Variants in LRP3 observed in about 807,000 individuals in gnomAD.
LRP3 encodes low-density lipoprotein receptor-related protein 3.
LRP3 carries 49 observed loss-of-function variants against 58.5 expected under a neutral mutation model. The observed-to-expected ratio is 0.84, with a 90% CI of 0.67 to 1.06. The LOEUF (loss-of-function observed/expected upper bound fraction) is 1.06. Among genes scored for constraint, LRP3 ranks in the 50% least tolerant of loss-of-function variants. The pLI is 0.00. For missense variants in LRP3, 1,019 were observed against 1,134.2 expected, an observed-to-expected ratio of 0.90 and a Z score of 1.46; for synonymous variants, 485 against 492.2, an observed-to-expected ratio of 0.99 and a Z score of 0.20.
In LRP3 at chr19:33,206,346, C is replaced by T. The variant is rs1490213279; in HGVS notation, c.1576C>T (p.Arg526Cys). The stretch of plus-strand genomic sequence containing the variant: ...CTGCGCCTTCAAGCTCTACTCACTG[C>T]GCACGCAGGAATACAGGTGGGCGCT... Reference protein sequence around the residue: ...LGCAFKLYSLRTQEYRAFETQ... With the variant: ...LGCAFKLYSLCTQEYRAFETQ... The change falls in exon 5 of 7, where the codon CGC becomes TGC. Residue 526 changes from arginine (R) to cysteine (C), a missense_variant. Transcript: ENST00000253193. 15 of 1,603,692 alleles carry T rather than the reference C, an allele frequency of 9.4e-6. No homozygotes were observed. Among genetic ancestry groups the T allele is most frequent in the Admixed American group, 6.7e-5 (4 of 59,610 alleles).
chr19:33,206,333 G>A lies in LRP3; in HGVS notation c.1563G>A (p.Lys521=). The A allele has an allele frequency of 1.2e-6, 2 of 1,603,440 alleles. No individual in the cohort carries two copies. The highest frequency in any genetic ancestry group is 1.7e-6 in the Non-Finnish European group (2 of 1,176,300). The change falls in exon 5 of 7, where the codon AAG becomes AAA. Residue 521 remains lysine, a synonymous_variant. Coordinates refer to ENST00000253193, the MANE Select transcript of LRP3 (RefSeq NM_002333.4). Reference sequence around the variant, plus strand: ...TCATCGCGCTGGGCTGCGCCTTCAAGCTCTACTCACTGCGCACGCAGGAAT... The same window carrying A: ...TCATCGCGCTGGGCTGCGCCTTCAAACTCTACTCACTGCGCACGCAGGAAT... ...LLVIALGCAF[K]LYSLRTQEYR...
At chr19:33,196,169 T>C (rs1285586448) in intron 1 of LRP3, among the ~76,000 whole-genome samples, 1 of 152,178 alleles carries the variant, frequency 6.6e-6, no homozygotes, top group Non-Finnish European at 1.5e-5. Flanking sequence ...CTGCGTGCCC[T>C]GTAAATGGGG....
intron 3 of LRP3, 43 bp from the exon 4 acceptor site, chr19:33,204,595 C>T: frequency 7.0e-7 from 1 of 1,420,454 alleles, no homozygotes; most frequent in East Asian, 2.3e-5. Flanking sequence ...CATGGAGATC[C>T]CACCTACTGC....
intron 2 of LRP3, among the ~76,000 whole-genome samples, chr19:33,200,311 A>T (rs944722072): frequency 2.0e-5 from 3 of 152,088 alleles, no homozygotes; most frequent in Non-Finnish European, 4.4e-5. Context: ...GGTTCACCAC[A>T]ACATCCGCCT....
In LRP3 at chr19:33,206,178, G is replaced by C; in HGVS notation, c.1408G>C (p.Glu470Gln). The C allele has an allele frequency of 3.8e-6, 6 of 1,596,330 alleles. No homozygotes were observed. Among genetic ancestry groups the C allele is most frequent in the Non-Finnish European group, 5.1e-6 (6 of 1,171,062 alleles). The change falls in exon 5 of 7, where the codon GAG (glutamate) becomes CAG (glutamine). Residue 470 changes from glutamate (E) to glutamine (Q), a missense_variant. Glu to Gln is a conservative substitution (Grantham distance 29). Transcript: ENST00000253193. ...CTGCGGTACCAACCTGTGCATCTTC[G>C]AGACGTGGCGCTGTGACGGCCAGGA... Reference protein sequence around the residue: ...FHCGTNLCIFETWRCDGQEDC... With the variant: ...FHCGTNLCIFQTWRCDGQEDC...
chr19:33,199,826 G>A (rs1398459224), intron 2 of LRP3, among the ~76,000 whole-genome samples: 2 of 152,226 alleles, frequency 1.3e-5, no homozygotes, highest in East Asian at 1.9e-4. Flanking sequence ...AAGGGTTCTG[G>A]CTGAAGTGAG....
In LRP3 at chr19:33,201,686, A is replaced by G. The variant is rs1338529203; in HGVS notation, c.122-1162A>G. Among the ~76,000 whole-genome samples the G allele has an allele frequency of 2.0e-5, 3 of 152,138 alleles. 1 individual carries two copies. The highest frequency in any genetic ancestry group is 4.1e-4 in the South Asian group (2 of 4,826). ...CCTCACCTCAGTTTTTCCATCTGCA[A>G]AATGGGCCCTGCCTTCATCTCAGGC... On this transcript the variant is annotated intron_variant, in intron 2 of 6. Coordinates refer to ENST00000253193, the MANE Select transcript of LRP3 (RefSeq NM_002333.4).
chr19:33,205,323 T>G lies in LRP3; in HGVS notation c.553T>G (p.Cys185Gly). The change falls in exon 5 of 7, where the codon TGC becomes GGC. Residue 185 changes from cysteine to glycine, a missense_variant. Physicochemically the swap from Cys to Gly is radical, Grantham distance 159. Transcript: ENST00000253193. ...NGKCLPGPWQ[C>G]NTVDECGDGS... ...CAAGTGCCTGCCCGGCCCGTGGCAG[T>G]GCAACACGGTGGACGAGTGTGGAGA... is the stretch of plus-strand genomic sequence containing the variant. The G allele has an allele frequency of 6.2e-7, 1 of 1,612,008 alleles. No individual in the cohort carries two copies. The highest frequency in any genetic ancestry group is 2.2e-5 in the East Asian group (1 of 44,836).
intron 2 of LRP3, among the ~76,000 whole-genome samples, chr19:33,198,349 C>T (rs1468189835): frequency 6.6e-6 from 1 of 152,202 alleles, no homozygotes; most frequent in East Asian, 1.9e-4. Flanking sequence ...CTGTTCACCC[C>T]TGGTGCCCTC....
intron 4 of LRP3, 84 bp downstream of exon 4, chr19:33,204,936 T>A: frequency 1.5e-6 from 2 of 1,298,820 alleles, no homozygotes; most frequent in Non-Finnish European, 2.2e-6. Flanking sequence ...GGCGGCACCC[T>A]CCACAGGGCC....
rs760662989 is a variant in LRP3 at position 33,206,262 on chromosome 19, A to G, written c.1492A>G (p.Ile498Val). 6.3e-7 allele frequency: 1 copy of G among 1,598,558 alleles called. No homozygotes were observed. Among genetic ancestry groups the G allele is most frequent in the Admixed American group, 1.7e-5 (1 of 59,554 alleles). Residue 498 changes from isoleucine to valine, a missense_variant, in exon 5 of 7, where the codon ATC becomes GTC. Around this residue, in one of 2 missense-constraint regions of LRP3, gnomAD observed 427 missense variants for 408.6 expected, o/e 1.04. Coordinates refer to ENST00000253193, the MANE Select transcript of LRP3 (RefSeq NM_002333.4). ...GCLAAVPRKV[I>V]TAALIGSLVC... ...CCTGGCCGCCGTGCCCCGCAAGGTC[A>G]TCACGGCGGCGCTCATTGGCAGCCT...
chr19:33,207,070 G>T lies in LRP3; in HGVS notation c.1808G>T (p.Arg603Leu), dbSNP rs919390616. 6.7e-7 allele frequency: 1 copy of T among 1,494,554 alleles called. No homozygotes were observed. Among genetic ancestry groups the T allele is most frequent in the Non-Finnish European group, 8.9e-7 (1 of 1,128,006 alleles). 92.6% of individuals were successfully genotyped at this position (1,494,554 alleles called of 1,614,324 possible). The part of the protein sequence containing the change: ...HASRRGPSRR[R>L]LGRLWNRLFH... The stretch of plus-strand genomic sequence containing the variant: ...TCCCGCCGGGGGCCCTCCCGCCGCC[G>T]CCTCGGCCGCCTCTGGAACCGGCTC... The change falls in exon 7 of 7, where the codon CGC becomes CTC. Residue 603 changes from arginine (R) to leucine (L), a missense_variant. Transcript: ENST00000253193.
chr19:33,205,239 C>G lies in LRP3; in HGVS notation c.476-7C>G. 6.2e-7 allele frequency: 1 copy of G among 1,604,822 alleles called. No individual in the cohort carries two copies. Among genetic ancestry groups the G allele is most frequent in the Non-Finnish European group, 8.5e-7 (1 of 1,176,324 alleles). ...TGACTGTCCCCTGCTACGTCTCCAC[C>G]CCACAGGGAAGCTGGGCCAGGCATC... On this transcript the variant is annotated splice_polypyrimidine_tract_variant and splice_region_variant and intron_variant, in intron 4 of 6. Transcript: ENST00000253193.
Position 33,207,289 on chromosome 19 carries a change from A to C in LRP3, c.2027A>C (p.Glu676Ala), listed in dbSNP as rs747590917. ...CCCAGTGCCCCCGGCCGTGCACCGG[A>C]GGTGGGACCTTCAGGGCCACCCTTG... ...RPPSAPGRAP[E>A]VGPSGPPLPS... The change falls in exon 7 of 7, where the codon GAG becomes GCG. Residue 676 changes from glutamate to alanine, a missense_variant. By Grantham distance (107) the Glu-to-Ala change is moderately radical. Transcript: ENST00000253193. 2 of 1,559,522 alleles carry C rather than the reference A, an allele frequency of 1.3e-6. No individual in the cohort carries two copies. The highest frequency in any genetic ancestry group is 2.7e-5 in the African/African-American group (2 of 74,102).
chr19:33,204,919 C>A, intron 4 of LRP3, 67 bp downstream of exon 4: 1 of 1,490,334 alleles, frequency 6.7e-7, no homozygotes, highest in Non-Finnish European at 9.2e-7. Flanking sequence ...GGCTCCCGGC[C>A]CACAGGGGCG....
Position 33,206,764 on chromosome 19 carries a change from G to A in LRP3, c.1725+31G>A, listed in dbSNP as rs199898330. On this transcript the variant is annotated intron_variant, in intron 6 of 6. Coordinates refer to ENST00000253193, the MANE Select transcript of LRP3 (RefSeq NM_002333.4). Reference sequence around the variant, plus strand: ...CCCCCGGAGGGCGTGAGGCCCCTCCGGGGCCACTTGGGACAGTGTGCGGAG... The same window carrying A: ...CCCCCGGAGGGCGTGAGGCCCCTCCAGGGCCACTTGGGACAGTGTGCGGAG... The A allele has an allele frequency of 1.7e-4, 249 of 1,501,030 alleles. 1 individual carries two copies. The African/African-American group carries it at 3.0e-3, about 18-fold the overall frequency. The allele number at this position is 1,501,030 out of a possible 1,614,324, so 93.0% of individuals were successfully genotyped here.
At chr19:33,203,039 G>A in intron 3 of LRP3, 53 bp downstream of exon 3, 6 of 1,590,572 alleles carry the variant, frequency 3.8e-6, no homozygotes, top group Non-Finnish European at 5.1e-6. Context: ...ACGTGCATGG[G>A]GTGGGTGAGA....
At chr19:33,205,153 G>C in intron 4 of LRP3, 93 bp from the exon 5 acceptor site, 1 of 1,383,378 alleles carries the variant, frequency 7.2e-7, no homozygotes, top group African/African-American at 1.4e-5. Flanking sequence ...ACAGTGATGG[G>C]GAACCACCTG....
chr19:33,203,026 CCCA>C (rs748585422), intron 3 of LRP3, 40 bp downstream of exon 3: 4 of 1,603,212 alleles, frequency 2.5e-6, no homozygotes, highest in Non-Finnish European at 3.4e-6. Context: ...TCAATGTGGG[CCCA>C]CGTGCATGGG....
Sources: gnomAD v4.1 joint callset for allele counts (sites outside exome capture counted in the v4.1 genomes callset) on GRCh38, gnomAD v4.1.1 for gene constraint, gnomAD v4.1.1 regional missense constraint, MANE v1.5 for transcripts, NCBI Gene and HGNC (gene_info 2026-07-23, HGNC 2026-07-21) for gene names.